FBXW4: variants seen among roughly 807,000 people sequenced by gnomAD.
The protein encoded by FBXW4 is F-box/WD repeat-containing protein 4.
Under a neutral mutation model 61.8 loss-of-function variants are expected in FBXW4, and 40 were observed. The ratio of observed to expected loss-of-function variants is 0.65; its 90% CI spans 0.50 to 0.84. The LOEUF is 0.84. FBXW4 is among the 40% of genes least tolerant of loss of function. The pLI is 0.00. For synonymous variants in FBXW4, 311 were observed against 313.8 expected (o/e 0.99, Z 0.10); for missense variants, 672 against 753.8 (o/e 0.89, Z 1.27).
chr10:101,667,087 T>C (rs985660526), intron 5 of FBXW4, among the ~76,000 whole-genome samples: 4 of 151,536 alleles, frequency 2.6e-5, no homozygotes, highest in African/African-American at 9.7e-5. Context: ...AAAAATTAGC[T>C]GGGCGTGGTG....
chr10:101,659,184 C>G (rs2064219605), intron 5 of FBXW4, among the ~76,000 whole-genome samples: 1 of 152,176 alleles, frequency 6.6e-6, no homozygotes, highest in Non-Finnish European at 1.5e-5. Context: ...TGAGCCCAAG[C>G]AGCACCTGCA....
intron 5 of FBXW4, among the ~76,000 whole-genome samples, chr10:101,630,926 G>A (rs192660445): frequency 2.0e-5 from 3 of 152,322 alleles, no homozygotes; most frequent in East Asian, 3.9e-4. Flanking sequence ...GAAGCTGCTC[G>A]AGTCACATCT....
chr10:101,646,943 C>G (rs1218199697), intron 5 of FBXW4, among the ~76,000 whole-genome samples: 1 of 152,148 alleles, frequency 6.6e-6, no homozygotes, highest in African/African-American at 2.4e-5. Flanking sequence ...TCTCAAGAGG[C>G]TGGAGGGAGG....
intron 1 of FBXW4, among the ~76,000 whole-genome samples, chr10:101,677,361 T>A (rs1275629620): frequency 1.3e-5 from 2 of 152,114 alleles, no homozygotes; most frequent in East Asian, 3.8e-4. Flanking sequence ...GAAGTACTGA[T>A]ACACAACATA....
intron 5 of FBXW4, chr10:101,627,929 C>A: frequency 6.1e-6 from 6 of 984,870 alleles, no homozygotes; most frequent in Non-Finnish European, 7.2e-6. Flanking sequence ...GTCTCACTGG[C>A]CTCAGTTCTC....
At chr10:101,669,200 C>G (rs1199934279) in intron 4 of FBXW4, among the ~76,000 whole-genome samples, 3 of 152,066 alleles carry the variant, frequency 2.0e-5, no homozygotes, top group Admixed American at 6.5e-5. Context: ...CTAAGAGGAT[C>G]CTAAATGAGG....
intron 5 of FBXW4, chr10:101,625,230 G>A (rs571364609): frequency 9.5e-5 from 19 of 200,412 alleles, no homozygotes; most frequent in Non-Finnish European, 1.2e-4. Flanking sequence ...GGTGCTGCCC[G>A]TGGTCAGAAG....
chr10:101,647,264 C>T (rs567234815), intron 5 of FBXW4, among the ~76,000 whole-genome samples: 3 of 152,348 alleles, frequency 2.0e-5, no homozygotes, highest in Admixed American at 2.0e-4. Flanking sequence ...ACCCACAGGT[C>T]GTTCTGCCCC....
At chr10:101,684,430 C>G (rs1589782540) in intron 1 of FBXW4, among the ~76,000 whole-genome samples, 1 of 152,116 alleles carries the variant, frequency 6.6e-6, no homozygotes, top group Non-Finnish European at 1.5e-5. Flanking sequence ...CTGGCCTACC[C>G]AGCTAATTTT....
Position 101,694,420 on chromosome 10 carries a change from G to T in FBXW4, c.686C>A (p.Ala229Asp). The change falls in exon 1 of 9, where the codon GCC (alanine) becomes GAC (aspartate). Residue 229 changes from alanine to aspartate, a missense_variant. Around this residue, in one of 5 missense-constraint regions of FBXW4, gnomAD observed 311 missense variants for 301.1 expected, o/e 1.03. Coordinates refer to ENST00000331272, the MANE Select transcript of FBXW4 (RefSeq NM_022039.4). This position sits in a 1 kb window ranked among gnomAD's most constrained non-coding sequence, Gnocchi z 6.0. ...CDLLWRRIAR[A>D]SLNSGFTRLG... Reference sequence around the variant, plus strand: ...CCGCGTGAAGCCGGAGTTGAGCGAGGCCCGGGCTATCCGGCGCCAGAGCAG... The same window carrying T: ...CCGCGTGAAGCCGGAGTTGAGCGAGTCCCGGGCTATCCGGCGCCAGAGCAG... The T allele has an allele frequency of 6.6e-7, 1 of 1,521,310 alleles. No homozygotes were observed. The highest frequency in any genetic ancestry group is 2.7e-5 in the East Asian group (1 of 36,882). 94.2% of individuals were successfully genotyped at this position (1,521,310 alleles called of 1,614,324 possible).
At position 101,673,046 on chromosome 10, in the gene FBXW4, C is replaced by G. The variant is rs1564922602; in HGVS notation, c.1009G>C (p.Asp337His). 2 of 1,613,820 alleles carry G rather than the reference C, an allele frequency of 1.2e-6. No individual in the cohort carries two copies. The highest frequency in any genetic ancestry group is 8.5e-7 in the Non-Finnish European group (1 of 1,179,962). ...ATCTTATGAATGCCAATCTTCCCAT[C>G]CCTAGGAGAGAAATAAGGAGCCGAC... ...ANSHIVSAGG[D>H]GKIGIHKIHS... The change falls in exon 4 of 9, where the codon GAT becomes CAT. Residue 337 changes from aspartate to histidine, a missense_variant and splice_region_variant. Asp to His is a moderately conservative substitution (Grantham distance 81, BLOSUM62 -1). Coordinates refer to ENST00000331272, the MANE Select transcript of FBXW4 (RefSeq NM_022039.4).
chr10:101,614,253 T>G (rs944970881), intron 6 of FBXW4, among the ~76,000 whole-genome samples: 1 of 152,122 alleles, frequency 6.6e-6, no homozygotes, highest in African/African-American at 2.4e-5. Flanking sequence ...TAGAAGTAAT[T>G]TCATGTTTGT....
At position 101,673,066 on chromosome 10, in the gene FBXW4, G is replaced by A. The variant is rs184155184; in HGVS notation, c.1008-19C>T. The A allele has an allele frequency of 3.1e-6, 5 of 1,610,132 alleles. No homozygotes were observed. In the African/African-American group the frequency reaches 4.0e-5, roughly 13 times the overall value. ...CCCATCCCTAGGAGAGAAATAAGGA[G>A]CCGACCCCCAAGAACCAATTATTCT... On this transcript the variant is annotated intron_variant, in intron 3 of 8. Coordinates refer to ENST00000331272, the MANE Select transcript of FBXW4 (RefSeq NM_022039.4).
chr10:101,637,371 G>A lies in FBXW4; in HGVS notation c.1236-12561C>T, dbSNP rs561875093. On this transcript the variant is annotated intron_variant, in intron 5 of 8. Transcript: ENST00000331272. ...CGTGCCACTGCACTCCAGCCTGGGCGACAGAGTGAGACTCCGTCTCAAAAA... is the reference window on the plus strand; with the variant it reads ...CGTGCCACTGCACTCCAGCCTGGGCAACAGAGTGAGACTCCGTCTCAAAAA... 2.5e-3 allele frequency among the ~76,000 whole-genome samples: 265 copies of A among 106,398 alleles called. 2 individuals are homozygous for A. Among genetic ancestry groups the A allele is most frequent in the Admixed American group, 3.7e-3 (28 of 7,634 alleles). 69.8% of individuals were successfully genotyped at this position (106,398 alleles called of 152,430 possible). A position where few individuals can be genotyped will look rare whatever the true frequency, so the allele number is the denominator to read the frequency against.
chr10:101,655,439 C>T (rs536597117), intron 5 of FBXW4, among the ~76,000 whole-genome samples: 1 of 152,302 alleles, frequency 6.6e-6, no homozygotes, highest in South Asian at 2.1e-4. Flanking sequence ...CCACAGCTCA[C>T]CCTGGATACT....
At chr10:101,655,741 G>A (rs2064179534) in intron 5 of FBXW4, among the ~76,000 whole-genome samples, 1 of 152,240 alleles carries the variant, frequency 6.6e-6, no homozygotes, top group Non-Finnish European at 1.5e-5. Context: ...GAGACAGTGA[G>A]TCTCGTGCTC....
At chr10:101,679,663 T>C (rs2064451418) in intron 1 of FBXW4, among the ~76,000 whole-genome samples, 1 of 152,234 alleles carries the variant, frequency 6.6e-6, no homozygotes, top group East Asian at 1.9e-4. Flanking sequence ...TAACTGTGGA[T>C]AGTCAACTTT....
At position 101,683,561 on chromosome 10, in the gene FBXW4, A is replaced by G. The variant is rs59115822; in HGVS notation, c.726-7125T>C. On this transcript the variant is annotated intron_variant, in intron 1 of 8. Coordinates refer to ENST00000331272, the MANE Select transcript of FBXW4 (RefSeq NM_022039.4). ...CAGAAATTAATCTAGGCAGTTATCT[A>G]GAATGACCTTTCATTTCCCCTCTCC... is the stretch of plus-strand genomic sequence containing the variant. Among the ~76,000 whole-genome samples, 892 of 152,324 alleles carry G rather than the reference A, an allele frequency of 5.9e-3. 5 individuals carry two copies. The highest frequency in any genetic ancestry group is 0.02 in the African/African-American group (815 of 41,556).
chr10:101,673,343 G>T, intron 3 of FBXW4, 145 bp downstream of exon 3: 1 of 980,670 alleles, frequency 1.0e-6, no homozygotes, highest in Non-Finnish European at 1.5e-6. Context: ...AACTCCTTTT[G>T]GTAAAATCTC....
Sources: allele counts gnomAD v4.1 joint callset (sites outside exome capture counted in the v4.1 genomes callset), GRCh38; gene constraint gnomAD v4.1.1; regional missense constraint gnomAD v4.1.1; non-coding constraint Gnocchi (gnomAD v3.1); transcripts MANE v1.5; gene names NCBI Gene and HGNC (gene_info 2026-07-23, HGNC 2026-07-21).